The following MTF2 variants were observed in gnomAD, a reference collection of about 807,000 sequenced individuals.
MTF2 encodes the protein metal response element binding transcription factor 2, also known as metal-response element-binding transcription factor 2.
Under a neutral mutation model 79.5 loss-of-function variants are expected in MTF2, and 11 were observed. The ratio of observed to expected loss-of-function variants is 0.14; its 90% CI spans 0.09 to 0.23. The LOEUF is 0.23. Ranked by LOEUF, MTF2 falls within the 10% of genes least tolerant of loss-of-function variation. The pLI, the probability that MTF2 is intolerant of heterozygous loss-of-function variation, is 1.00. For missense variants in MTF2, 486 were observed against 711.2 expected (o/e 0.68, Z 3.60); for synonymous variants, 208 against 232.8 (o/e 0.89, Z 0.97).
At chr1:93,102,847 AT>A (rs1655602042) in intron 1 of MTF2, among the ~76,000 whole-genome samples, 1 of 152,082 alleles carries the variant, frequency 6.6e-6, no homozygotes, top group African/African-American at 2.4e-5. Context: ...ATGAAATTTT[AT>A]GGGCCAGGCA....
rs1553153773 is a variant in MTF2, at chr1:93,118,280, T to TTA, written c.633-65_633-64insTA. 4.5e-5 allele frequency: 36 copies of TTA among 801,780 alleles called. No homozygotes were observed. In the African/African-American group the frequency reaches 6.4e-4, roughly 14 times the overall value. 49.7% of individuals were successfully genotyped at this position (801,780 alleles called of 1,614,324 possible). On this transcript the variant is annotated intron_variant, in intron 6 of 14. Transcript: ENST00000370298. The stretch of plus-strand genomic sequence containing the variant: ...AGGCCACTTTTTTTTTTTTTTTTTT[T>TTA]AAAGAAATGAACCTTTCCCTTAAGA...
chr1:93,090,040 G>A (rs1285733236), intron 1 of MTF2, among the ~76,000 whole-genome samples: 1 of 151,958 alleles, frequency 6.6e-6, no homozygotes, highest in East Asian at 1.9e-4. Context: ...GCGGTAGCAC[G>A]ATCTCGGCTC....
intron 9 of MTF2, 68 bp from the exon 10 acceptor site, chr1:93,127,164 A>G (rs947307728): frequency 2.8e-5 from 30 of 1,086,584 alleles, no homozygotes; most frequent in African/African-American, 7.7e-5. Flanking sequence ...CATTGCCTCT[A>G]TCTAGCACCT....
Position 93,120,309 on chromosome 1 carries a change from A to AG in MTF2, c.798-240_798-239insG, listed in dbSNP as rs1656423134. ...CGAAACTCTGTCTCCAAGAAAAAAA[A>AG]AAAAAAAAAAAAGAAGTAATTCATA... On this transcript the variant is annotated intron_variant, in intron 8 of 14. Coordinates refer to ENST00000370298, the MANE Select transcript of MTF2 (RefSeq NM_007358.4). The AG allele has an allele frequency of 1.6e-5, 4 of 244,358 alleles. No individual in the cohort carries two copies. In the South Asian group the frequency reaches 2.6e-4, roughly 16 times the overall value. 15.1% of individuals were successfully genotyped at this position (244,358 alleles called of 1,614,324 possible). A position where few individuals can be genotyped will look rare whatever the true frequency, so the allele number is the denominator to read the frequency against.
intron 10 of MTF2, among the ~76,000 whole-genome samples, 194 bp downstream of exon 10, chr1:93,127,493 TCTC>T (rs1461591941): frequency 6.6e-6 from 1 of 152,090 alleles, no homozygotes; most frequent in African/African-American, 2.4e-5. Context: ...GAGTAATCCT[TCTC>T]CTGGGAATGG....
At chr1:93,102,388 C>T (rs1028167095) in intron 1 of MTF2, among the ~76,000 whole-genome samples, 1 of 151,544 alleles carries the variant, frequency 6.6e-6, no homozygotes, top group African/African-American at 2.4e-5. Flanking sequence ...TACTTGAGCT[C>T]AGGAGTTTGA....
At chr1:93,084,824 G>A (rs116677532) in intron 1 of MTF2, among the ~76,000 whole-genome samples, 29 of 152,220 alleles carry the variant, frequency 1.9e-4, no homozygotes, top group Middle Eastern at 3.4e-3. Flanking sequence ...AACTATGAGA[G>A]CTATGATGTG....
intron 10 of MTF2, 79 bp from the exon 11 acceptor site, chr1:93,129,199 T>A: frequency 1.0e-6 from 1 of 1,002,834 alleles, no homozygotes; most frequent in Non-Finnish European, 1.4e-6. Flanking sequence ...AAGGGCCTTA[T>A]ATATGAAAGT....
At chr1:93,103,148 A>T (rs1655618432) in intron 1 of MTF2, among the ~76,000 whole-genome samples, 1 of 151,848 alleles carries the variant, frequency 6.6e-6, no homozygotes, top group African/African-American at 2.4e-5. Context: ...AAAGGAAATT[A>T]TAATTGAAAC....
Position 93,115,025 on chromosome 1 carries a change from C to T in MTF2, c.420C>T (p.Ser140=), listed in dbSNP as rs752618548. 6.2e-7 allele frequency: 1 copy of T among 1,610,608 alleles called. No homozygotes were observed. The highest frequency in any genetic ancestry group is 8.5e-7 in the Non-Finnish European group (1 of 1,177,484). ...HQLCHTPHID[S]SVIDSDEKWL... is the part of the protein sequence containing the mutation. Reference sequence around the variant, plus strand: ...TGTGTCACACACCTCATATTGATTCCAGTGTGATTGATTCAGATGAAAAAT... The same window carrying T: ...TGTGTCACACACCTCATATTGATTCTAGTGTGATTGATTCAGATGAAAAAT... The change falls in exon 5 of 15, where the codon TCC becomes TCT. Residue 140 remains serine, a synonymous_variant. Transcript: ENST00000370298.
At chr1:93,093,573 C>A (rs1655161330) in intron 1 of MTF2, among the ~76,000 whole-genome samples, 1 of 152,098 alleles carries the variant, frequency 6.6e-6, no homozygotes, top group Admixed American at 6.6e-5. Flanking sequence ...TCCGTGCCTG[C>A]CTTTTATTTG....
chr1:93,105,332 A>G (rs1169452317), intron 1 of MTF2, among the ~76,000 whole-genome samples: 7 of 152,250 alleles, frequency 4.6e-5, no homozygotes, highest in African/African-American at 1.2e-4. Context: ...ACGGAGCACA[A>G]AGAATCAAGA....
In MTF2 at chr1:93,094,853, G is replaced by A. The variant is rs1021053780; in HGVS notation, c.5+15322G>A. On this transcript the variant is annotated intron_variant, in intron 1 of 14. Coordinates refer to ENST00000370298, the MANE Select transcript of MTF2 (RefSeq NM_007358.4). ...AAAACATTTTCTTTTTCATTTATTG[G>A]CTTGAATATATTTATAGAGAAAGTT... Among the ~76,000 whole-genome samples, 4 of 152,022 alleles carry A rather than the reference G, an allele frequency of 2.6e-5. 1 individual carries two copies. In the South Asian group the frequency reaches 8.3e-4, roughly 32 times the overall value.
chr1:93,131,191 A>G (rs1024599441), intron 11 of MTF2, among the ~76,000 whole-genome samples: 1 of 152,186 alleles, frequency 6.6e-6, no homozygotes, highest in Admixed American at 6.5e-5. Context: ...ATAAGCAAGG[A>G]GACTAAAAAA....
intron 1 of MTF2, among the ~76,000 whole-genome samples, chr1:93,100,570 G>A (rs1655490373): frequency 6.6e-6 from 1 of 152,162 alleles, no homozygotes; most frequent in Admixed American, 6.5e-5. Flanking sequence ...GCCTCCCAAA[G>A]TGCTGGGATT....
intron 6 of MTF2, among the ~76,000 whole-genome samples, chr1:93,115,947 G>A (rs1033516761): frequency 6.6e-6 from 1 of 152,164 alleles, no homozygotes; most frequent in African/African-American, 2.4e-5. Context: ...TAATGTGATT[G>A]ACCATTTAGA....
At chr1:93,095,006 G>A (rs748123895) in intron 1 of MTF2, among the ~76,000 whole-genome samples, 1 of 152,026 alleles carries the variant, frequency 6.6e-6, no homozygotes, top group Non-Finnish European at 1.5e-5. Context: ...GATGTGACTC[G>A]GGGGTTCCAA....
intron 1 of MTF2, among the ~76,000 whole-genome samples, chr1:93,099,473 A>G (rs1430842326): frequency 6.6e-6 from 1 of 152,162 alleles, no homozygotes; most frequent in East Asian, 1.9e-4. Context: ...AGTAAAAGTC[A>G]GAGTGGCATC....
At chr1:93,105,517 A>G (rs779485508) in intron 1 of MTF2, among the ~76,000 whole-genome samples, 4 of 152,196 alleles carry the variant, frequency 2.6e-5, no homozygotes, top group African/African-American at 4.8e-5. Context: ...TCCTCATGTA[A>G]AAAGGGATCT....
Sources: allele counts gnomAD v4.1 joint callset (sites outside exome capture counted in the v4.1 genomes callset), GRCh38; gene constraint gnomAD v4.1.1; transcripts MANE v1.5; gene names NCBI Gene and HGNC (gene_info 2026-07-23, HGNC 2026-07-21).